The following SFMBT2 variants were observed in gnomAD, a reference collection of about 807,000 sequenced individuals.
SFMBT2 encodes Scm like with four mbt domains 2, also known as scm-like with four MBT domains protein 2.
A neutral mutation model predicts 110.1 loss-of-function variants in SFMBT2; 38 were observed. The observed-to-expected ratio is 0.35, with a 90% confidence interval of 0.27 to 0.45. The LOEUF (loss-of-function observed/expected upper bound fraction) is 0.45. Ranked by LOEUF, SFMBT2 falls within the 20% of genes least tolerant of loss-of-function variation. The probability of loss-of-function intolerance (pLI) is 1.00; values close to 1 mark genes in which losing one functional copy is unlikely to be tolerated. For missense variants in SFMBT2, 1,011 were observed against 1,094.9 expected, an observed-to-expected ratio of 0.92 and a Z score of 1.08; for synonymous variants, 425 against 425.4, an observed-to-expected ratio of 1.00 and a Z score of 0.01.
intron 6 of SFMBT2, among the ~76,000 whole-genome samples, chr10:7,280,392 G>A (rs1208969077): frequency 1.3e-5 from 2 of 151,872 alleles, no homozygotes; most frequent in Non-Finnish European, 2.9e-5. Flanking sequence ...AAAAAATGGG[G>A]GGAGGGGGTG....
chr10:7,340,272 T>C (rs1290908240), intron 4 of SFMBT2, among the ~76,000 whole-genome samples: 1 of 152,116 alleles, frequency 6.6e-6, no homozygotes, highest in African/African-American at 2.4e-5. Context: ...CTTCATCCTC[T>C]CATCTTCATG....
intron 15 of SFMBT2, among the ~76,000 whole-genome samples, chr10:7,191,843 T>A (rs1057330454): frequency 6.6e-6 from 1 of 151,324 alleles, no homozygotes; most frequent in Non-Finnish European, 1.5e-5. Flanking sequence ...GCTCTGAAAT[T>A]AAATTATTCT....
At chr10:7,284,715 T>C in intron 5 of SFMBT2, 2 of 234,982 alleles carry the variant, frequency 8.5e-6, no homozygotes, top group Non-Finnish European at 1.4e-5. Context: ...TCAGCTAAAT[T>C]AGACTACTAT....
intron 7 of SFMBT2, among the ~76,000 whole-genome samples, chr10:7,263,726 G>A (rs955381306): frequency 6.6e-6 from 1 of 152,356 alleles, no homozygotes; most frequent in Non-Finnish European, 1.5e-5. Flanking sequence ...TCAGCTACAA[G>A]TGTTTGAATG....
chr10:7,233,305 G>A (rs750352563), intron 9 of SFMBT2, among the ~76,000 whole-genome samples: 2 of 152,034 alleles, frequency 1.3e-5, no homozygotes, highest in Non-Finnish European at 2.9e-5. Context: ...AAAATCCTCA[G>A]GCTCCAGCGA....
chr10:7,262,850 T>C (rs1201151836), intron 7 of SFMBT2, among the ~76,000 whole-genome samples: 1 of 152,206 alleles, frequency 6.6e-6, no homozygotes, highest in African/African-American at 2.4e-5. Flanking sequence ...GGTCCTTTTT[T>C]GCCATGGAAT....
chr10:7,383,540 G>T (rs1346200841), intron 1 of SFMBT2, among the ~76,000 whole-genome samples: 1 of 152,198 alleles, frequency 6.6e-6, no homozygotes, highest in Admixed American at 6.5e-5. Flanking sequence ...CTGTGGAGAG[G>T]ACAGGAAGCT....
intron 1 of SFMBT2, among the ~76,000 whole-genome samples, chr10:7,389,221 T>C (rs943609001): frequency 6.6e-6 from 1 of 152,130 alleles, no homozygotes; most frequent in Non-Finnish European, 1.5e-5. Flanking sequence ...TCTATTTACA[T>C]TCAATGGGAT....
At chr10:7,349,380 G>A (rs572641607) in intron 4 of SFMBT2, among the ~76,000 whole-genome samples, 1 of 150,364 alleles carries the variant, frequency 6.7e-6, no homozygotes, top group South Asian at 2.1e-4. Flanking sequence ...CCTGTGGGCA[G>A]GACAGGATGC....
chr10:7,249,055 T>C (rs771984536), intron 7 of SFMBT2: 2 of 955,356 alleles, frequency 2.1e-6, no homozygotes, highest in Non-Finnish European at 2.5e-6. Flanking sequence ...CAGCACCTTG[T>C]ACCCAAGGTC....
At chr10:7,228,729 T>TTCTC (rs1840000185) in intron 9 of SFMBT2, among the ~76,000 whole-genome samples, 1 of 90,482 alleles carries the variant, frequency 1.1e-5, no homozygotes, top group Non-Finnish European at 2.2e-5. Flanking sequence ...CTTTCTTTCT[T>TTCTC]TCTTTCCTTT....
Position 7,276,968 on chromosome 10 carries a change from G to T in SFMBT2, c.794C>A (p.Ala265Asp). 2 of 872,672 alleles carry T rather than the reference G, an allele frequency of 2.3e-6. No homozygotes were observed. The highest frequency in any genetic ancestry group is 4.0e-6 in the Non-Finnish European group (2 of 501,520). 54.1% of individuals were successfully genotyped at this position (872,672 alleles called of 1,614,324 possible). A position where few individuals can be genotyped will look rare whatever the true frequency, so the allele number is the denominator to read the frequency against. ...TTCCAGAGTACATTTCCATTCAGAGGCCATCTTCAAAGGATAGATTTCTGT... is the reference window on the plus strand; with the variant it reads ...TTCCAGAGTACATTTCCATTCAGAGTCCATCTTCAAAGGATAGATTTCTGT... ...PPSEIYPLKM[A>D]SEWKCTLEKS... is the part of the protein sequence containing the mutation. The change falls in exon 7 of 21, where the codon GCC (alanine) becomes GAC (aspartate). Residue 265 changes from alanine (A) to aspartate (D), a missense_variant. This residue lies in a region of SFMBT2 where 979 missense variants were observed against 1,016.1 expected (regional missense o/e 0.96). Transcript: ENST00000397167.
intron 9 of SFMBT2, among the ~76,000 whole-genome samples, chr10:7,235,790 A>T (rs1164776755): frequency 2.6e-5 from 4 of 152,204 alleles, no homozygotes; most frequent in African/African-American, 9.7e-5. Context: ...CAATAAATAA[A>T]CTTGACCTGA....
At chr10:7,299,654 C>T (rs765847523) in intron 4 of SFMBT2, among the ~76,000 whole-genome samples, 2 of 152,156 alleles carry the variant, frequency 1.3e-5, no homozygotes, top group African/African-American at 2.4e-5. Flanking sequence ...ATTAGTTCAA[C>T]CATTGTGGAA....
chr10:7,392,984 TA>T lies in SFMBT2; in HGVS notation c.-51-11036del, dbSNP rs1172996884. 5.2e-3 allele frequency among the ~76,000 whole-genome samples: 21 copies of T among 4,074 alleles called. 1 individual carries two copies. The East Asian group carries it at 0.094, about 18-fold the overall frequency. The allele number at this position is 4,074 out of a possible 152,430, so 2.7% of individuals were successfully genotyped here. On this transcript the variant is annotated intron_variant, in intron 1 of 20. Transcript: ENST00000397167. Reference sequence around the variant, plus strand: ...TATATATACAAGTATGTGGATAGATTATATATATATATATATATATATATAT... The same window carrying T: ...TATATATACAAGTATGTGGATAGATTTATATATATATATATATATATATAT...
rs1841373590 is a variant in SFMBT2 at position 7,265,928 on chromosome 10, G to A, written c.870+10964C>T. Among the ~76,000 whole-genome samples, 3 of 152,008 alleles carry A rather than the reference G, an allele frequency of 2.0e-5. No individual in the cohort carries two copies. The South Asian group carries it at 6.2e-4, about 32-fold the overall frequency. Reference sequence around the variant, plus strand: ...TCGCAGAGCCTGCATTCTAGCTAGGGGAAGGAGGCCAAATGCAAAAAACTA... The same window carrying A: ...TCGCAGAGCCTGCATTCTAGCTAGGAGAAGGAGGCCAAATGCAAAAAACTA... On this transcript the variant is annotated intron_variant, in intron 7 of 20. Transcript: ENST00000397167.
intron 2 of SFMBT2, among the ~76,000 whole-genome samples, chr10:7,376,909 C>T (rs1193130124): frequency 5.3e-5 from 8 of 149,632 alleles, no homozygotes; most frequent in Non-Finnish European, 7.4e-5. Flanking sequence ...TGGTGGCTCA[C>T]GCCTGTAATC....
chr10:7,325,430 A>G (rs1290533927), intron 4 of SFMBT2, among the ~76,000 whole-genome samples: 1 of 152,330 alleles, frequency 6.6e-6, no homozygotes, highest in East Asian at 1.9e-4. Context: ...ATCACAAGGT[A>G]TCTGCTGTGC....
intron 9 of SFMBT2, chr10:7,228,374 AT>A (rs777890730): frequency 0.013 from 9,475 of 733,194 alleles, 114 homozygotes; most frequent in Admixed American, 0.075. Flanking sequence ...GAAATAAAAA[AT>A]TAAAAAAAAA....
Sources: gnomAD v4.1 joint callset for allele counts (sites outside exome capture counted in the v4.1 genomes callset) on GRCh38, gnomAD v4.1.1 for gene constraint, gnomAD v4.1.1 regional missense constraint, MANE v1.5 for transcripts, NCBI Gene and HGNC (gene_info 2026-07-23, HGNC 2026-07-21) for gene names.